Variants in NPIPB2 observed in about 807,000 individuals in gnomAD.
NPIPB2 encodes the protein nuclear pore complex-interacting protein family member B2.
NPIPB2 carries 27 observed loss-of-function variants against 30.8 expected under a neutral mutation model. That is an observed-to-expected ratio of 0.88 (90% CI 0.65 to 1.21). The LOEUF (loss-of-function observed/expected upper bound fraction) is 1.21, where lower values mean the gene tolerates loss of function less well. NPIPB2 is among the 50% of genes most tolerant of loss of function. NPIPB2 has a pLI of 0.00. For missense variants in NPIPB2, 440 were observed against 446.2 expected, an observed-to-expected ratio of 0.99 and a Z score of 0.13; for synonymous variants, 147 against 162.0, an observed-to-expected ratio of 0.91 and a Z score of 0.70.
chr16:11,968,674 T>C (rs1596508564), intron 1 of NPIPB2: 1 of 152,110 alleles, frequency 6.6e-6, no homozygotes, highest in East Asian at 1.9e-4. Flanking sequence ...GTTATCTGTG[T>C]AGCATTTAAC....
intron 1 of NPIPB2, chr16:11,967,875 C>T: frequency 6.2e-7 from 1 of 1,600,742 alleles, no homozygotes; most frequent in East Asian, 2.2e-5. Flanking sequence ...AGCAGTGCCA[C>T]TTTAAAAATC....
chr16:11,954,796 T>C (rs1273288351), intron 1 of NPIPB2, among the ~76,000 whole-genome samples: 1 of 151,468 alleles, frequency 6.6e-6, no homozygotes, highest in African/African-American at 2.4e-5. Context: ...TAGTCCCAGC[T>C]ACTCGGGAGG....
chr16:11,954,029 C>T (rs1159765581), intron 1 of NPIPB2, among the ~76,000 whole-genome samples: 2 of 151,848 alleles, frequency 1.3e-5, no homozygotes, highest in African/African-American at 2.4e-5. Flanking sequence ...AATAGGCATA[C>T]TATAATTTTA....
intron 1 of NPIPB2, among the ~76,000 whole-genome samples, chr16:11,958,022 C>T (rs1228322740): frequency 6.6e-6 from 1 of 152,164 alleles, no homozygotes; most frequent in African/African-American, 2.4e-5. Flanking sequence ...TTTTTGCAAA[C>T]TCTCCCCAAA....
chr16:11,937,749 C>A lies in NPIPB2; in HGVS notation c.64-81G>T, dbSNP rs1016082436. On this transcript the variant is annotated intron_variant, in intron 1 of 7. Coordinates refer to ENST00000399147, the Ensembl canonical transcript of NPIPB2. ...CTCAGAAAGAATCATCCTTAGAAAC[C>A]GTCAACCTCCTCCAAAAGGTAACCA... 36 of 1,517,564 alleles carry A rather than the reference C, an allele frequency of 2.4e-5. 1 individual carries two copies. Among genetic ancestry groups the A allele is most frequent in the African/African-American group, 9.6e-5 (7 of 72,948 alleles). The allele number at this position is 1,517,564 out of a possible 1,614,324, so 94.0% of individuals were successfully genotyped here. A position where few individuals can be genotyped will look rare whatever the true frequency, so the allele number is the denominator to read the frequency against.
At chr16:11,958,798 G>C (rs1438553891) in intron 1 of NPIPB2, among the ~76,000 whole-genome samples, 1 of 152,118 alleles carries the variant, frequency 6.6e-6, no homozygotes, top group African/African-American at 2.4e-5. Flanking sequence ...TAAAGAGGTG[G>C]TAACAATCAG....
At chr16:11,969,602 CAGG>C in intron 1 of NPIPB2, among the ~76,000 whole-genome samples, 1 of 152,174 alleles carries the variant, frequency 6.6e-6, no homozygotes, top group East Asian at 1.9e-4. Flanking sequence ...CTTCTGCAAA[CAGG>C]AGAAGCCTAG....
At chr16:11,971,671 T>C (rs1408686920) in intron 1 of NPIPB2, among the ~76,000 whole-genome samples, 1 of 151,838 alleles carries the variant, frequency 6.6e-6, no homozygotes, top group Non-Finnish European at 1.5e-5. Context: ...ATTTTTGTAT[T>C]TTTAGTAGAG....
intron 1 of NPIPB2, chr16:11,967,137 A>T (rs1344405717): frequency 5.1e-6 from 1 of 195,274 alleles, no homozygotes. Context: ...AGTAACTGGG[A>T]CTATAGGTAT....
chr16:11,936,443 T>A (rs2054870219), intron 2 of NPIPB2, among the ~76,000 whole-genome samples: 1 of 148,832 alleles, frequency 6.7e-6, no homozygotes, highest in Admixed American at 6.7e-5. Flanking sequence ...TTTCTACATA[T>A]CTTGAAAGGC....
rs575363566 is a variant in NPIPB2 at position 11,966,407 on chromosome 16, T to C, written c.-584+10161A>G. ...ATGGCTATTGTGAGTTTCAGTTCCTTTTCTTTTTTTAGCGTTGACTATTTC... is the reference window on the plus strand; with the variant it reads ...ATGGCTATTGTGAGTTTCAGTTCCTCTTCTTTTTTTAGCGTTGACTATTTC... On this transcript the variant is annotated intron_variant, in intron 1 of 5. Coordinates refer to the NPIPB2 transcript ENST00000538896. 4.6e-5 allele frequency: 70 copies of C among 1,520,954 alleles called. 1 individual carries two copies. In the Middle Eastern group the frequency reaches 3.6e-3, roughly 79 times the overall value. 94.2% of individuals were successfully genotyped at this position (1,520,954 alleles called of 1,614,324 possible).
At chr16:11,965,136 T>C (rs1236284486) in intron 1 of NPIPB2, 7 of 646,146 alleles carry the variant, frequency 1.1e-5, no homozygotes, top group Non-Finnish European at 1.9e-5. Context: ...TTGAATTAGA[T>C]GTGGTATTCA....
At chr16:11,953,963 A>G (rs983880913) in intron 1 of NPIPB2, among the ~76,000 whole-genome samples, 57 of 152,056 alleles carry the variant, frequency 3.7e-4, no homozygotes, top group African/African-American at 1.3e-3. Flanking sequence ...GGCATGAGCC[A>G]CCACGCCCAG....
Position 11,933,022 on chromosome 16 carries a change from A to T in NPIPB2, c.488+495T>A, listed in dbSNP as rs534020313. 3.3e-5 allele frequency among the ~76,000 whole-genome samples: 5 copies of T among 150,952 alleles called. No individual in the cohort carries two copies. The South Asian group carries it at 1.0e-3, about 32-fold the overall frequency. The stretch of plus-strand genomic sequence containing the variant: ...ATGCCTCTAATCCCAGCACTTTGGG[A>T]GGCTGAGGCAGGTGGATTACCTGAG... On this transcript the variant is annotated intron_variant, in intron 4 of 7. Coordinates refer to ENST00000399147, the Ensembl canonical transcript of NPIPB2.
At chr16:11,940,734 T>G in intron 1 of NPIPB2, among the ~76,000 whole-genome samples, 1 of 114,622 alleles carries the variant, frequency 8.7e-6, no homozygotes, top group African/African-American at 3.3e-5. Flanking sequence ...CACTCCAGCC[T>G]GGGCGACAGA....
At chr16:11,951,755 C>A (rs1056880738) in intron 1 of NPIPB2, among the ~76,000 whole-genome samples, 3 of 151,824 alleles carry the variant, frequency 2.0e-5, no homozygotes, top group African/African-American at 7.3e-5. Flanking sequence ...AGGCCAGGTG[C>A]GGTGGCTCAC....
chr16:11,957,488 T>A (rs956755395), intron 1 of NPIPB2, among the ~76,000 whole-genome samples: 9 of 151,844 alleles, frequency 5.9e-5, no homozygotes, highest in African/African-American at 2.2e-4. Flanking sequence ...CAGACGGGGT[T>A]TCACCATGTT....
At chr16:11,946,351 C>T (rs1393567030), upstream of NPIPB2, among the ~76,000 whole-genome samples, 1 of 142,416 alleles carries the variant, frequency 7.0e-6, no homozygotes, top group Non-Finnish European at 1.5e-5. Context: ...TACCGTTGCA[C>T]TCCAGCCTGG....
At position 11,957,371 on chromosome 16, in the gene NPIPB2, G is replaced by C. The variant is rs149028235; in HGVS notation, c.-583-15257C>G. On this transcript the variant is annotated intron_variant, in intron 1 of 5. Transcript: ENST00000538896. ...GTAGAGACAGGGTTTCACCACGTTA[G>C]CCAGGATGGTCTCCATCTCCTGACC... is the stretch of plus-strand genomic sequence containing the variant. 9.0e-3 allele frequency among the ~76,000 whole-genome samples: 1,373 copies of C among 152,094 alleles called. 18 individuals carry two copies. The highest frequency in any genetic ancestry group is 0.026 in the South Asian group (123 of 4,814).
Sources: allele counts gnomAD v4.1 joint callset (sites outside exome capture counted in the v4.1 genomes callset), GRCh38; gene constraint gnomAD v4.1.1; transcripts MANE v1.5; gene names NCBI Gene and HGNC (gene_info 2026-07-23, HGNC 2026-07-21).